The following IGSF11 variants were observed in gnomAD, a reference collection of about 807,000 sequenced individuals.
IGSF11 encodes the protein CXADR like 1.
IGSF11 carries 22 observed loss-of-function variants against 41.0 expected under a neutral mutation model. The ratio of observed to expected loss-of-function variants is 0.54; its 90% CI spans 0.38 to 0.77. The LOEUF is 0.77. Among genes scored for constraint, IGSF11 ranks in the 30% least tolerant of loss-of-function variants. IGSF11 has a pLI of 0.00. For missense variants in IGSF11, 444 were observed against 530.8 expected (o/e 0.84, Z 1.61); for synonymous variants, 219 against 201.3 (o/e 1.09, Z -0.74).
chr3:119,132,609 G>T (rs1210507136), intron 1 of IGSF11, among the ~76,000 whole-genome samples: 1 of 151,840 alleles, frequency 6.6e-6, no homozygotes, highest in Non-Finnish European at 1.5e-5. Flanking sequence ...TTAGACTCCC[G>T]CATAATAATA....
chr3:118,908,145 C>G (rs1164044744), intron 4 of IGSF11, among the ~76,000 whole-genome samples: 1 of 152,102 alleles, frequency 6.6e-6, no homozygotes, highest in Non-Finnish European at 1.5e-5. Flanking sequence ...TTTCCAGAGA[C>G]AATTTGGGAA....
intron 1 of IGSF11, among the ~76,000 whole-genome samples, chr3:118,936,473 A>G (rs1225302775): frequency 6.6e-6 from 1 of 151,626 alleles, no homozygotes; most frequent in Non-Finnish European, 1.5e-5. Flanking sequence ...CACTACTGCA[A>G]TCCAACCTGG....
At chr3:119,009,149 CTTCAATGTTCACCCTTTCAGACTAAA>C (rs1937781376) in intron 1 of IGSF11, among the ~76,000 whole-genome samples, 1 of 152,140 alleles carries the variant, frequency 6.6e-6, no homozygotes, top group Admixed American at 6.5e-5. Flanking sequence ...AGTCTATTTC[CTTCAATGTTCACCCTTTCAGACTAAA>C]TTTTAGAGGC....
At chr3:119,081,061 C>T (rs2076578407) in intron 1 of IGSF11, among the ~76,000 whole-genome samples, 1 of 151,828 alleles carries the variant, frequency 6.6e-6, no homozygotes, top group African/African-American at 2.4e-5. Flanking sequence ...TTTTTAAATA[C>T]TAATTGTGTA....
chr3:118,911,495 C>T (rs1434499641), intron 4 of IGSF11, among the ~76,000 whole-genome samples: 1 of 152,092 alleles, frequency 6.6e-6, no homozygotes, highest in Non-Finnish European at 1.5e-5. Flanking sequence ...GCATTTGAGA[C>T]CAGCTTGGTC....
At position 118,942,929 on chromosome 3, in the gene IGSF11, G is replaced by A. The variant is rs530507662; in HGVS notation, c.53-12654C>T. On this transcript the variant is annotated intron_variant, in intron 1 of 6. Transcript: ENST00000393775. ...AGGAGAAAAAATACTACTGGGAGGG[G>A]AATGGAAGTTGGCCAAGTTCCTTGA... The A allele has an allele frequency of 5.9e-5, 9 of 152,390 alleles. 1 individual carries two copies. The highest frequency in any genetic ancestry group is 9.6e-5 in the African/African-American group (4 of 41,570). The allele number at this position is 152,390 out of a possible 1,614,324, so 9.4% of individuals were successfully genotyped here. A position where few individuals can be genotyped will look rare whatever the true frequency, so the allele number is the denominator to read the frequency against.
intron 1 of IGSF11, among the ~76,000 whole-genome samples, chr3:119,142,224 G>A (rs2077658231): frequency 7.0e-6 from 1 of 143,804 alleles, no homozygotes; most frequent in Admixed American, 7.6e-5. Flanking sequence ...GCACTGAGCC[G>A]AGATCGCGCC....
At chr3:118,916,259 T>C (rs1217691402) in intron 4 of IGSF11, among the ~76,000 whole-genome samples, 2 of 151,556 alleles carry the variant, frequency 1.3e-5, no homozygotes, top group South Asian at 2.1e-4. Flanking sequence ...CATAACACTA[T>C]TAACTTTAAA....
At chr3:119,052,435 AAGGG>A (rs1303432904) in intron 1 of IGSF11, among the ~76,000 whole-genome samples, 1 of 131,460 alleles carries the variant, frequency 7.6e-6, no homozygotes, top group Non-Finnish European at 1.6e-5. Context: ...AGCAAACAGG[AAGGG>A]AGGGAGGGAG....
chr3:119,012,732 C>G (rs910914650), intron 1 of IGSF11: 4 of 152,146 alleles, frequency 2.6e-5, no homozygotes, highest in African/African-American at 9.7e-5. Flanking sequence ...AAATCCATCC[C>G]TTTTCTTAAA....
At position 119,003,858 on chromosome 3, in the gene IGSF11, A is replaced by G. The variant is rs373242261; in HGVS notation, c.52+30673T>C. ...AGCTTTTTGATGTGCTGCTGGATTC[A>G]GTTTGCCAGTATTTTATTGAGGATT... On this transcript the variant is annotated intron_variant, in intron 1 of 6. Coordinates refer to ENST00000393775, the MANE Select transcript of IGSF11 (RefSeq NM_001015887.3). 4.0e-3 allele frequency among the ~76,000 whole-genome samples: 589 copies of G among 148,602 alleles called. 6 individuals are homozygous for G. Among genetic ancestry groups the G allele is most frequent in the East Asian group, 0.024 (118 of 4,834 alleles).
intron 1 of IGSF11, among the ~76,000 whole-genome samples, chr3:119,057,506 A>G (rs1160839193): frequency 6.6e-6 from 1 of 152,360 alleles, no homozygotes; most frequent in East Asian, 1.9e-4. Context: ...TTCCATGCTC[A>G]TGGGTAGGAA....
intron 1 of IGSF11, among the ~76,000 whole-genome samples, chr3:119,094,186 C>T (rs1186656764): frequency 1.1e-5 from 1 of 87,774 alleles, no homozygotes; most frequent in Admixed American, 1.5e-4. Context: ...TTTTTCAAGT[C>T]CCCACATAAA....
At chr3:119,131,585 T>G (rs1226364526) in intron 1 of IGSF11, among the ~76,000 whole-genome samples, 1 of 152,226 alleles carries the variant, frequency 6.6e-6, no homozygotes, top group Non-Finnish European at 1.5e-5. Context: ...CTGGTGGACC[T>G]GAAAGTGATG....
intron 1 of IGSF11, among the ~76,000 whole-genome samples, chr3:119,076,210 G>A (rs1283001258): frequency 6.6e-6 from 1 of 152,218 alleles, no homozygotes; most frequent in Non-Finnish European, 1.5e-5. Flanking sequence ...CTAGCCATAT[G>A]TAGAAAGCTG....
chr3:118,911,639 A>C (rs1354696728), intron 4 of IGSF11, among the ~76,000 whole-genome samples: 1 of 151,528 alleles, frequency 6.6e-6, no homozygotes, highest in African/African-American at 2.4e-5. Flanking sequence ...TTGTCTCTAA[A>C]AAATGAGAGA....
At chr3:119,142,967 A>G (rs183040414) in intron 1 of IGSF11, among the ~76,000 whole-genome samples, 20 of 152,326 alleles carry the variant, frequency 1.3e-4, no homozygotes, top group Admixed American at 2.6e-4. Flanking sequence ...TGAAAAAAAT[A>G]CCATCAACCA....
chr3:119,042,093 G>A (rs1049554721), intron 1 of IGSF11, among the ~76,000 whole-genome samples: 1 of 152,206 alleles, frequency 6.6e-6, no homozygotes, highest in South Asian at 2.1e-4. Context: ...TTTCATGAGA[G>A]TAATGTTTAA....
At chr3:118,973,605 T>C (rs931565408) in intron 1 of IGSF11, among the ~76,000 whole-genome samples, 1 of 151,964 alleles carries the variant, frequency 6.6e-6, no homozygotes, top group East Asian at 1.9e-4. Context: ...CTTCTCAGCA[T>C]TGCTACACTA....
Sources: allele counts gnomAD v4.1 joint callset (sites outside exome capture counted in the v4.1 genomes callset), GRCh38; gene constraint gnomAD v4.1.1; transcripts MANE v1.5; gene names NCBI Gene and HGNC (gene_info 2026-07-23, HGNC 2026-07-21).